Variants in PCDHGB4 observed in about 807,000 individuals in gnomAD.
PCDHGB4 encodes the protein protocadherin gamma subfamily B, 4.
A neutral mutation model predicts 60.5 loss-of-function variants in PCDHGB4; 38 were observed. The ratio of observed to expected loss-of-function variants is 0.63; its 90% CI spans 0.48 to 0.82. PCDHGB4 has a LOEUF of 0.82. Ranked by LOEUF, PCDHGB4 falls within the 40% of genes least tolerant of loss-of-function variation. PCDHGB4 has a pLI of 0.00. For synonymous variants in PCDHGB4, 456 were observed against 509.7 expected, an observed-to-expected ratio of 0.89 and a Z score of 1.42; for missense variants, 1,109 against 1,209.6, an observed-to-expected ratio of 0.92 and a Z score of 1.23.
At chr5:141,461,794 C>T (rs191966750) in intron 1 of PCDHGB4, among the ~76,000 whole-genome samples, 7 of 152,134 alleles carry the variant, frequency 4.6e-5, no homozygotes, top group African/African-American at 1.7e-4. Flanking sequence ...GCTGGGATTA[C>T]AGGTGCCCAC....
chr5:141,403,212 C>T (rs755734755), intron 1 of PCDHGB4: 8 of 1,613,834 alleles, frequency 5.0e-6, no homozygotes, highest in East Asian at 2.2e-5. Context: ...TTGGTCACCG[C>T]GGGTAGGATA....
intron 1 of PCDHGB4, chr5:141,409,901 C>G: frequency 6.2e-7 from 1 of 1,613,264 alleles, no homozygotes; most frequent in Non-Finnish European, 8.5e-7. Context: ...GTACCCAGCT[C>G]TGGGTCCTGA....
chr5:141,399,543 C>T (rs2093831494), intron 1 of PCDHGB4: 3 of 1,614,042 alleles, frequency 1.9e-6, no homozygotes, highest in Non-Finnish European at 2.5e-6. Flanking sequence ...AAGTCTGCGC[C>T]TCGGACCTGG....
In PCDHGB4 at chr5:141,431,739, A is replaced by G; in HGVS notation, c.2397+41458A>G. 3.1e-6 allele frequency: 5 copies of G among 1,614,240 alleles called. No homozygotes were observed. Among genetic ancestry groups the G allele is most frequent in the Non-Finnish European group, 3.4e-6 (4 of 1,180,048 alleles). Reference sequence around the variant, plus strand: ...GTGCAAGCAATGGATAATGCAGGATATTCTGCGCGAGCCAAAGTCCTGATC... The same window carrying G: ...GTGCAAGCAATGGATAATGCAGGATGTTCTGCGCGAGCCAAAGTCCTGATC... On this transcript the variant is annotated intron_variant, in intron 1 of 3. Transcript: ENST00000519479. The surrounding 1 kb of genome is among the most constrained non-coding windows in gnomAD (Gnocchi z 4.8).
intron 1 of PCDHGB4, among the ~76,000 whole-genome samples, chr5:141,456,866 G>A (rs2098893781): frequency 6.6e-6 from 1 of 152,170 alleles, no homozygotes; most frequent in African/African-American, 2.4e-5. Flanking sequence ...GGGAGGCTGA[G>A]GCAGGAGAAT....
intron 1 of PCDHGB4, chr5:141,403,602 G>A (rs761454619): frequency 5.0e-6 from 8 of 1,613,800 alleles, no homozygotes; most frequent in Non-Finnish European, 5.9e-6. Context: ...GCCTCGGATG[G>A]CGGCGAGCCG....
intron 1 of PCDHGB4, chr5:141,430,664 C>G (rs2154553866): frequency 8.3e-7 from 1 of 1,209,890 alleles, no homozygotes; most frequent in East Asian, 2.6e-5. Context: ...CGGAGGAGCT[C>G]TGACTTCCCA....
At chr5:141,482,458 C>T (rs986628162) in intron 1 of PCDHGB4, among the ~76,000 whole-genome samples, 1 of 147,624 alleles carries the variant, frequency 6.8e-6, no homozygotes, top group Non-Finnish European at 1.5e-5. Context: ...ATTAGCATCC[C>T]TATGTGCCAG....
chr5:141,422,298 T>G, intron 1 of PCDHGB4: 1 of 1,549,054 alleles, frequency 6.5e-7, no homozygotes, highest in Non-Finnish European at 8.7e-7. Flanking sequence ...TTAATTCAAT[T>G]CTGGAAAACT....
At chr5:141,414,457 G>C in intron 1 of PCDHGB4, 2 of 1,613,872 alleles carry the variant, frequency 1.2e-6, no homozygotes, top group Non-Finnish European at 1.7e-6. Flanking sequence ...CACAGTGACA[G>C]CCACAGATGG....
intron 2 of PCDHGB4, among the ~76,000 whole-genome samples, chr5:141,500,027 G>C (rs1458308566): frequency 6.6e-6 from 1 of 151,808 alleles, no homozygotes; most frequent in Non-Finnish European, 1.5e-5. Flanking sequence ...ATATTTGAGT[G>C]AGTGTCTCTT....
At chr5:141,497,499 C>G (rs1217418941) in intron 2 of PCDHGB4, among the ~76,000 whole-genome samples, 3 of 151,416 alleles carry the variant, frequency 2.0e-5, no homozygotes, top group Non-Finnish European at 4.4e-5. Context: ...TCTCTCTCCT[C>G]TCTCTGCTTC....
At position 141,431,965 on chromosome 5, in the gene PCDHGB4, T is replaced by G. The variant is rs765281339; in HGVS notation, c.2397+41684T>G. ...TAGAAAAATCTTACGGAAATTACTATAGTTTAGTCACAGACATAGTCTTGG... is the reference window on the plus strand; with the variant it reads ...TAGAAAAATCTTACGGAAATTACTAGAGTTTAGTCACAGACATAGTCTTGG... On this transcript the variant is annotated intron_variant, in intron 1 of 3. Coordinates refer to ENST00000519479, the MANE Select transcript of PCDHGB4 (RefSeq NM_003736.4). This position sits in a 1 kb window ranked among gnomAD's most constrained non-coding sequence, Gnocchi z 4.8. The G allele has an allele frequency of 1.2e-6, 2 of 1,614,216 alleles. No individual in the cohort carries two copies. Among genetic ancestry groups the G allele is most frequent in the East Asian group, 4.5e-5 (2 of 44,892 alleles).
chr5:141,422,762 C>A (rs745320796), intron 1 of PCDHGB4: 1 of 1,613,392 alleles, frequency 6.2e-7, no homozygotes, highest in Admixed American at 1.7e-5. Context: ...AACTCCAACA[C>A]TGGTGTTCTC....
rs114847835 is a variant in PCDHGB4, at chr5:141,486,500, C to T, written c.2398-8307C>T. The T allele has an allele frequency of 6.2e-6, 10 of 1,614,008 alleles. No homozygotes were observed. The East Asian group carries it at 1.8e-4, about 29-fold the overall frequency. On this transcript the variant is annotated intron_variant, in intron 1 of 3. Coordinates refer to ENST00000519479, the MANE Select transcript of PCDHGB4 (RefSeq NM_003736.4). This position sits in a 1 kb window ranked among gnomAD's most constrained non-coding sequence, Gnocchi z 5.0. ...TCTCAGTACCCACAGAACTATTTTCCTCAATATTTCAGATGTGAATGATAA... is the reference window on the plus strand; with the variant it reads ...TCTCAGTACCCACAGAACTATTTTCTTCAATATTTCAGATGTGAATGATAA...
At chr5:141,420,558 C>T (rs1373350109) in intron 1 of PCDHGB4, 1 of 248,240 alleles carries the variant, frequency 4.0e-6, no homozygotes, top group Non-Finnish European at 7.5e-6. Flanking sequence ...TATATTTTTA[C>T]GGCATGGTAT....
In PCDHGB4 at chr5:141,457,578, C is replaced by T. The variant is rs538068150; in HGVS notation, c.2398-37229C>T. Among the ~76,000 whole-genome samples, 38 of 152,304 alleles carry T rather than the reference C, an allele frequency of 2.5e-4. No individual in the cohort carries two copies. The South Asian group carries it at 7.7e-3, about 31-fold the overall frequency. ...AGCTTTGGAGCAAAATTTTTCTCTC[C>T]AGTCCTCATTTTTGGTAAAAACTAA... On this transcript the variant is annotated intron_variant, in intron 1 of 3. Coordinates refer to ENST00000519479, the MANE Select transcript of PCDHGB4 (RefSeq NM_003736.4).
chr5:141,506,304 C>A (rs569926873), intron 3 of PCDHGB4, among the ~76,000 whole-genome samples: 3 of 152,078 alleles, frequency 2.0e-5, no homozygotes, highest in Non-Finnish European at 4.4e-5. Context: ...CAAAAATTAG[C>A]TGGGCATGGT....
At chr5:141,409,423 T>C in intron 1 of PCDHGB4, 1 of 1,614,026 alleles carries the variant, frequency 6.2e-7, no homozygotes. Flanking sequence ...TGGTGACAGA[T>C]GGAGCCCTGG....
Sources: allele counts gnomAD v4.1 joint callset (sites outside exome capture counted in the v4.1 genomes callset), GRCh38; gene constraint gnomAD v4.1.1; non-coding constraint Gnocchi (gnomAD v3.1); transcripts MANE v1.5; gene names NCBI Gene and HGNC (gene_info 2026-07-23, HGNC 2026-07-21).